TEX9: variants seen among roughly 807,000 people sequenced by gnomAD.
TEX9 encodes testis expressed 9, also known as testis-expressed protein 9.
A neutral mutation model predicts 59.6 loss-of-function variants in TEX9; 74 were observed. That is an observed-to-expected ratio of 1.24 (90% CI 1.03 to 1.51). TEX9 has a LOEUF of 1.51. TEX9 is among the 40% of genes most tolerant of loss of function. The probability of loss-of-function intolerance (pLI) is 0.00; values close to 1 mark genes in which losing one functional copy is unlikely to be tolerated. For missense variants in TEX9, 522 were observed against 447.8 expected, an observed-to-expected ratio of 1.17 and a Z score of -1.49; for synonymous variants, 186 against 152.2, an observed-to-expected ratio of 1.22 and a Z score of -1.64.
intron 1 of TEX9, among the ~76,000 whole-genome samples, chr15:56,329,321 G>A (rs1251729968): frequency 6.6e-6 from 1 of 152,102 alleles, no homozygotes; most frequent in Admixed American, 6.5e-5. Context: ...GGATAAAGAA[G>A]CCCAGACTGT....
intron 1 of TEX9, among the ~76,000 whole-genome samples, chr15:56,262,958 C>A (rs1406225623): frequency 2.0e-5 from 3 of 152,182 alleles, no homozygotes; most frequent in Non-Finnish European, 4.4e-5. Flanking sequence ...AATATCTTTA[C>A]CATTCTTTTG....
chr15:56,339,678 C>T (rs555864879), intron 1 of TEX9, among the ~76,000 whole-genome samples: 6 of 152,078 alleles, frequency 3.9e-5, no homozygotes, highest in African/African-American at 9.6e-5. Flanking sequence ...GCTTACGTCC[C>T]CCCGCCAATT....
chr15:56,364,399 C>G (rs148009835), upstream of TEX9, among the ~76,000 whole-genome samples: 2 of 151,766 alleles, frequency 1.3e-5, no homozygotes, highest in African/African-American at 4.8e-5. Context: ...GTGATCCACC[C>G]GCCTTGGCCT....
At chr15:56,343,624 A>C (rs749140066) in intron 1 of TEX9, among the ~76,000 whole-genome samples, 1 of 152,098 alleles carries the variant, frequency 6.6e-6, no homozygotes, top group African/African-American at 2.4e-5. Flanking sequence ...CATACTAACA[A>C]ATTTTACAAT....
intron 12 of TEX9, among the ~76,000 whole-genome samples, chr15:56,434,949 G>C (rs1041719485): frequency 6.6e-6 from 1 of 152,030 alleles, no homozygotes; most frequent in African/African-American, 2.4e-5. Context: ...AGTTGGAACA[G>C]TTAAGTCCTT....
At chr15:56,450,409 T>C (rs1280145520), downstream of TEX9, among the ~76,000 whole-genome samples, 1 of 152,152 alleles carries the variant, frequency 6.6e-6, no homozygotes, top group Non-Finnish European at 1.5e-5. Context: ...TCTTAAACGA[T>C]AACTCCCCAT....
chr15:56,457,294 G>A, the TEX9 span, among the ~76,000 whole-genome samples: 4 of 152,040 alleles, frequency 2.6e-5, no homozygotes, highest in Non-Finnish European at 5.9e-5. Context: ...AAGATCTAGA[G>A]GCTTGATTAA....
intron 10 of TEX9, among the ~76,000 whole-genome samples, chr15:56,416,027 G>A (rs1335856824): frequency 6.6e-6 from 1 of 151,684 alleles, no homozygotes; most frequent in Non-Finnish European, 1.5e-5. Flanking sequence ...CTCTTGGTTT[G>A]GCTGTTGTTA....
intron 9 of TEX9, 63 bp downstream of exon 9, chr15:56,394,897 C>T (rs1240365080): frequency 4.1e-6 from 6 of 1,475,836 alleles, no homozygotes; most frequent in South Asian, 3.9e-5. Context: ...TAAGGTTACA[C>T]ATTTGTATAG....
At chr15:56,260,160 A>G (rs1271839459) in intron 1 of TEX9, among the ~76,000 whole-genome samples, 1 of 152,048 alleles carries the variant, frequency 6.6e-6, no homozygotes, top group South Asian at 2.1e-4. Flanking sequence ...GGGTTTTTCT[A>G]TATTTACAAT....
At chr15:56,268,115 GCTCT>G in intron 1 of TEX9, among the ~76,000 whole-genome samples, 1 of 152,134 alleles carries the variant, frequency 6.6e-6, no homozygotes, top group Admixed American at 6.5e-5. Context: ...TCATGATTTG[GCTCT>G]CTGTTTGTCT....
At chr15:56,312,893 TTC>T (rs2045658296) in intron 1 of TEX9, among the ~76,000 whole-genome samples, 2 of 120,014 alleles carry the variant, frequency 1.7e-5, no homozygotes. Flanking sequence ...AGGTATTTTA[TTC>T]TCTTTGAAGC....
chr15:56,277,249 G>A (rs572045196), intron 1 of TEX9, among the ~76,000 whole-genome samples: 4 of 152,132 alleles, frequency 2.6e-5, no homozygotes, highest in South Asian at 2.1e-4. Flanking sequence ...GTCTTTGTCC[G>A]TGCCTATGTC....
At chr15:56,436,794 A>C (rs2050733781) in intron 12 of TEX9, among the ~76,000 whole-genome samples, 1 of 152,192 alleles carries the variant, frequency 6.6e-6, no homozygotes, top group South Asian at 2.1e-4. Flanking sequence ...GATCCAACGG[A>C]AATACTACCA....
intron 3 of TEX9, among the ~76,000 whole-genome samples, chr15:56,378,020 T>C (rs1302526845): frequency 6.6e-6 from 1 of 152,152 alleles, no homozygotes; most frequent in Non-Finnish European, 1.5e-5. Context: ...ATATATCACA[T>C]TGATTGATTT....
chr15:56,454,457 A>AT, the TEX9 span, among the ~76,000 whole-genome samples: 3 of 151,624 alleles, frequency 2.0e-5, no homozygotes, highest in Non-Finnish European at 4.4e-5. Flanking sequence ...CATTCATTCT[A>AT]TTTTTTTTGT....
At chr15:56,455,838 A>G in the TEX9 span, among the ~76,000 whole-genome samples, 1 of 152,204 alleles carries the variant, frequency 6.6e-6, no homozygotes, top group South Asian at 2.1e-4. Flanking sequence ...GTAAGAAACA[A>G]CTGAAGGAAC....
chr15:56,405,292 G>C (rs1290603983), intron 9 of TEX9, among the ~76,000 whole-genome samples: 5 of 145,510 alleles, frequency 3.4e-5, no homozygotes, highest in African/African-American at 1.3e-4. Context: ...GGGTGACAGA[G>C]CAAGACTCCG....
intron 1 of TEX9, among the ~76,000 whole-genome samples, chr15:56,334,534 C>T (rs1410143700): frequency 1.3e-5 from 2 of 152,048 alleles, no homozygotes; most frequent in Non-Finnish European, 1.5e-5. Context: ...ATCTAAGACT[C>T]AAAACTGTGA....
Sources: gnomAD v4.1 joint callset for allele counts (sites outside exome capture counted in the v4.1 genomes callset) on GRCh38, gnomAD v4.1.1 for gene constraint, MANE v1.5 for transcripts, NCBI Gene and HGNC (gene_info 2026-07-23, HGNC 2026-07-21) for gene names.